MRPL48: variants seen among roughly 807,000 people sequenced by gnomAD.
MRPL48 encodes the protein mitochondrial ribosomal protein L48.
In MRPL48, 16 loss-of-function variants were observed where a neutral mutation model predicts 32.9. The observed-to-expected ratio is 0.49, with a 90% CI of 0.33 to 0.74. The LOEUF is 0.74. MRPL48 is among the 30% of genes least tolerant of loss of function. MRPL48 has a pLI of 0.02. For synonymous variants in MRPL48, 94 were observed against 89.2 expected, an observed-to-expected ratio of 1.05 and a Z score of -0.31; for missense variants, 206 against 245.3, an observed-to-expected ratio of 0.84 and a Z score of 1.07.
At chr11:73,798,275 G>A (rs1791807298) in intron 1 of MRPL48, among the ~76,000 whole-genome samples, 1 of 151,464 alleles carries the variant, frequency 6.6e-6, no homozygotes, top group South Asian at 2.1e-4. Context: ...ACAAAATACA[G>A]CCTTTTACAA....
chr11:73,812,438 A>G (rs953940995), intron 3 of MRPL48, among the ~76,000 whole-genome samples: 1 of 152,240 alleles, frequency 6.6e-6, no homozygotes, highest in Admixed American at 6.5e-5. Flanking sequence ...TGCTGAGTCA[A>G]TGCATTATGA....
intron 3 of MRPL48, among the ~76,000 whole-genome samples, chr11:73,812,062 T>C (rs1181712149): frequency 6.6e-6 from 1 of 152,072 alleles, no homozygotes; most frequent in Admixed American, 6.6e-5. Context: ...ATTTTTTGTA[T>C]TTTTTAGTAG....
In MRPL48 at chr11:73,833,241, G is replaced by A. The variant is rs1430492650; in HGVS notation, c.201+7445G>A. 4.3e-4 allele frequency among the ~76,000 whole-genome samples: 65 copies of A among 151,590 alleles called. 1 individual carries two copies. The Admixed American group carries it at 4.3e-3, about 10-fold the overall frequency. On this transcript the variant is annotated intron_variant, in intron 4 of 7. Transcript: ENST00000310614. The stretch of plus-strand genomic sequence containing the variant: ...TTGCTTGGGGTAGCTGTTGACACAG[G>A]GCTGTGAAGAACATAGAAAAGCTCC...
At chr11:73,849,357 A>AC (rs1306200508) in intron 5 of MRPL48, among the ~76,000 whole-genome samples, 1 of 151,918 alleles carries the variant, frequency 6.6e-6, no homozygotes, top group Non-Finnish European at 1.5e-5. Flanking sequence ...GGCTGGTCTC[A>AC]GACTCCTGAT....
rs1947424615 is a variant in MRPL48, at chr11:73,805,065, C to A, written c.60C>A (p.Ala20=). 3 of 1,580,700 alleles carry A rather than the reference C, an allele frequency of 1.9e-6. No homozygotes were observed. The African/African-American group carries it at 4.0e-5, about 21-fold the overall frequency. ...GGAACAATACCATTTTTAAGCAAGC[C>A]TTTTCTCTCTTAAGGTAAGAATATT... ...CLRNNTIFKQ[A]FSLLRFRTSG... Residue 20 remains alanine (A), a synonymous_variant, in exon 2 of 8, where the codon GCC becomes GCA. Coordinates refer to ENST00000310614, the MANE Select transcript of MRPL48 (RefSeq NM_016055.6).
intron 3 of MRPL48, among the ~76,000 whole-genome samples, chr11:73,812,738 A>ATT (rs1555078897): frequency 0.056 from 7,971 of 141,890 alleles, 308 homozygotes; most frequent in East Asian, 0.15. Flanking sequence ...ATATATATAT[A>ATT]TATTTATTTA....
At chr11:73,820,307 C>T (rs897134228) in intron 3 of MRPL48, among the ~76,000 whole-genome samples, 1 of 152,130 alleles carries the variant, frequency 6.6e-6, no homozygotes, top group Non-Finnish European at 1.5e-5. Flanking sequence ...TCACTGCAAA[C>T]TCCGCCTCCC....
chr11:73,853,475 C>T (rs1426696723), intron 5 of MRPL48, among the ~76,000 whole-genome samples: 3 of 151,706 alleles, frequency 2.0e-5, no homozygotes, highest in African/African-American at 7.3e-5. Context: ...GCAATATGAC[C>T]TTGGGAAATT....
chr11:73,790,062 ATTTTTTTTTT>A (rs34534770), intron 1 of MRPL48, among the ~76,000 whole-genome samples: 22,523 of 104,184 alleles, frequency 0.22, 2,038 homozygotes, highest in African/African-American at 0.33. Context: ...TGCTCAGCTA[ATTTTTTTTTT>A]TTTTTTTTTT....
chr11:73,850,327 G>A (rs1948365874), intron 5 of MRPL48: 1 of 153,008 alleles, frequency 6.5e-6, no homozygotes, highest in African/African-American at 2.4e-5. Flanking sequence ...TCTTGGCTAA[G>A]TGGGCTGAAA....
rs1046766437 is a variant in MRPL48, at chr11:73,810,559, A to AT, written c.112+2222dup. 6.0e-3 allele frequency among the ~76,000 whole-genome samples: 240 copies of AT among 39,830 alleles called. 1 individual carries two copies. The highest frequency in any genetic ancestry group is 6.3e-3 in the Non-Finnish European group (143 of 22,570). 26.1% of individuals were successfully genotyped at this position (39,830 alleles called of 152,430 possible). A position where few individuals can be genotyped will look rare whatever the true frequency, so the allele number is the denominator to read the frequency against. On this transcript the variant is annotated intron_variant, in intron 3 of 7. Transcript: ENST00000310614. Reference sequence around the variant, plus strand: ...AGAAATAAGGATGTTTTCTTTCTTTATTTTTTTTTTTTTATTGTAATTTAA... The same window carrying AT: ...AGAAATAAGGATGTTTTCTTTCTTTATTTTTTTTTTTTTTATTGTAATTTAA...
rs112117882 is a variant in MRPL48, at chr11:73,821,003, C to CT, written c.113-4698dup. On this transcript the variant is annotated intron_variant, in intron 3 of 7. Coordinates refer to ENST00000310614, the MANE Select transcript of MRPL48 (RefSeq NM_016055.6). ...CATCACTTACCAGAATTTGTAATTACTTTTTTTAGGAGAGAGGGTCTCGCT... is the reference window on the plus strand; with the variant it reads ...CATCACTTACCAGAATTTGTAATTACTTTTTTTTAGGAGAGAGGGTCTCGCT... 3.9e-5 allele frequency among the ~76,000 whole-genome samples: 6 copies of CT among 152,060 alleles called. No homozygotes were observed. In the South Asian group the frequency reaches 1.0e-3, roughly 26 times the overall value.
In MRPL48 at chr11:73,790,079, T is replaced by G. The variant is rs1272550405; in HGVS notation, c.21+2087T>G. ...CTCAGCTAATTTTTTTTTTTTTTTT[T>G]TTTTTTTTGAGACAGAGTCTCCCTC... On this transcript the variant is annotated intron_variant, in intron 1 of 7. Transcript: ENST00000310614. Among the ~76,000 whole-genome samples, 12 of 123,746 alleles carry G rather than the reference T, an allele frequency of 9.7e-5. 1 individual carries two copies. Among genetic ancestry groups the G allele is most frequent in the Non-Finnish European group, 1.2e-4 (7 of 58,958 alleles). The allele number at this position is 123,746 out of a possible 152,430, so 81.2% of individuals were successfully genotyped here. A position where few individuals can be genotyped will look rare whatever the true frequency, so the allele number is the denominator to read the frequency against.
intron 5 of MRPL48, among the ~76,000 whole-genome samples, chr11:73,852,393 C>CAAAAAAAAAAAAAAAA (rs10554131): frequency 7.2e-5 from 6 of 83,344 alleles, no homozygotes; most frequent in Non-Finnish European, 1.2e-4. Flanking sequence ...AACTCTATAG[C>CAAAAAAAAAAAAAAAA]AAAAAAAAAA....
chr11:73,818,748 A>G (rs1947720200), intron 3 of MRPL48, among the ~76,000 whole-genome samples: 1 of 152,184 alleles, frequency 6.6e-6, no homozygotes, highest in Non-Finnish European at 1.5e-5. Context: ...CCATTTCTGA[A>G]TGAGAAATAA....
Position 73,824,649 on chromosome 11 carries a change from G to A in MRPL48, c.113-1059G>A, listed in dbSNP as rs573080025. ...TTCCTCTTTGCTGGCTATTTTTGCT[G>A]CCTGTCTCTTTCTCTATATAGTCAC... is the stretch of plus-strand genomic sequence containing the variant. On this transcript the variant is annotated intron_variant, in intron 3 of 7. Transcript: ENST00000310614. Among the ~76,000 whole-genome samples, 22 of 151,896 alleles carry A rather than the reference G, an allele frequency of 1.4e-4. 1 individual carries two copies. In the South Asian group the frequency reaches 4.4e-3, roughly 30 times the overall value.
At chr11:73,806,685 T>C (rs1947459797) in intron 2 of MRPL48, among the ~76,000 whole-genome samples, 2 of 152,150 alleles carry the variant, frequency 1.3e-5, no homozygotes, top group Non-Finnish European at 2.9e-5. Flanking sequence ...AATGAATGAA[T>C]TGACCTTCAT....
chr11:73,838,765 A>G (rs1478664477), intron 4 of MRPL48, among the ~76,000 whole-genome samples: 1 of 152,190 alleles, frequency 6.6e-6, no homozygotes, highest in Non-Finnish European at 1.5e-5. Flanking sequence ...TGGGGTGGCC[A>G]CCACTGTTAA....
chr11:73,822,821 C>T (rs1379645580), intron 3 of MRPL48, among the ~76,000 whole-genome samples: 1 of 152,160 alleles, frequency 6.6e-6, no homozygotes, highest in Admixed American at 6.5e-5. Context: ...GTATTTACAG[C>T]CCCTCCCAGC....
Sources: gnomAD v4.1 joint callset for allele counts (sites outside exome capture counted in the v4.1 genomes callset) on GRCh38, gnomAD v4.1.1 for gene constraint, MANE v1.5 for transcripts, NCBI Gene and HGNC (gene_info 2026-07-23, HGNC 2026-07-21) for gene names.